Variants in TOP1MT observed in about 807,000 individuals in gnomAD.
TOP1MT encodes the protein DNA topoisomerase I mitochondrial, also known as DNA topoisomerase I, mitochondrial.
A neutral mutation model predicts 73.9 loss-of-function variants in TOP1MT; 80 were observed. The observed-to-expected ratio is 1.08, with a 90% CI of 0.90 to 1.30. The LOEUF is 1.30. Ranked by LOEUF, TOP1MT falls within the 50% of genes most tolerant of loss-of-function variation. The pLI is 0.00. For missense variants in TOP1MT, 815 were observed against 808.0 expected, an observed-to-expected ratio of 1.01 and a Z score of -0.10; for synonymous variants, 338 against 326.4, an observed-to-expected ratio of 1.04 and a Z score of -0.38.
At chr8:143,323,120 G>T (rs542273687) in intron 7 of TOP1MT, among the ~76,000 whole-genome samples, 7 of 117,488 alleles carry the variant, frequency 6.0e-5, no homozygotes, top group Admixed American at 2.7e-4. Flanking sequence ...ACACATGCAC[G>T]CCACACACAC....
At chr8:143,324,758 G>C (rs1816659679) in intron 5 of TOP1MT, 129 bp from the exon 6 acceptor site, 1 of 1,190,898 alleles carries the variant, frequency 8.4e-7, no homozygotes. Flanking sequence ...ACCGAGTCTG[G>C]CATCAGAGGT....
chr8:143,324,771 C>G, intron 5 of TOP1MT, 142 bp from the exon 6 acceptor site: 2 of 1,038,498 alleles, frequency 1.9e-6, no homozygotes, highest in Non-Finnish European at 2.8e-6. Context: ...TCAGAGGTGG[C>G]CTGCCTGGCA....
At chr8:143,347,722 AGCCAGCCAGCGGG>A (rs1234805941), upstream of TOP1MT, among the ~76,000 whole-genome samples, 8 of 151,032 alleles carry the variant, frequency 5.3e-5, no homozygotes, top group Admixed American at 3.3e-4. Context: ...CCAGCCAGCC[AGCCAGCCAGCGGG>A]GAAGAGTTGA....
At chr8:143,359,325 G>T, upstream of TOP1MT, 1 of 985,420 alleles carries the variant, frequency 1.0e-6, no homozygotes, top group Non-Finnish European at 1.2e-6. Flanking sequence ...AGGTCACCAC[G>T]CCAGGAGAAG....
intron 7 of TOP1MT, among the ~76,000 whole-genome samples, chr8:143,321,960 ACACACATGCTCAC>A (rs1164602188): frequency 1.1e-3 from 120 of 108,990 alleles, no homozygotes; most frequent in African/African-American, 1.6e-3. Flanking sequence ...CACGCACGCC[ACACACATGCTCAC>A]CACACGCACG....
intron 4 of TOP1MT, among the ~76,000 whole-genome samples, chr8:143,325,841 G>A (rs1041692124): frequency 1.3e-5 from 2 of 152,190 alleles, no homozygotes; most frequent in African/African-American, 4.8e-5. Flanking sequence ...GGAGGAGGAG[G>A]GCTAAGGGAA....
At chr8:143,317,617 A>C (rs1816204105) in intron 10 of TOP1MT, 106 bp downstream of exon 10, 2 of 956,692 alleles carry the variant, frequency 2.1e-6, no homozygotes, top group Non-Finnish European at 3.1e-6. Context: ...TTCCCAAAGA[A>C]GCGGCCCCAC....
chr8:143,323,379 T>G (rs1321097177), intron 7 of TOP1MT, among the ~76,000 whole-genome samples: 2 of 54,844 alleles, frequency 3.6e-5, no homozygotes, highest in Admixed American at 2.4e-4. Flanking sequence ...GCCACACAGA[T>G]GCATGCCACA....
chr8:143,325,415 C>A lies in TOP1MT; in HGVS notation c.602G>T (p.Gly201Val), dbSNP rs1482393071. The A allele has an allele frequency of 6.2e-7, 1 of 1,612,578 alleles. No homozygotes were observed. The highest frequency in any genetic ancestry group is 8.5e-7 in the Non-Finnish European group (1 of 1,178,880). ...IEPPGLFRGR[G>V]DHPKMGMLKR... ...CAGCATCCCCATCTTGGGATGGTCGCCACGGCCACGGAACAAGCCAGGCGG... is the reference window on the plus strand; with the variant it reads ...CAGCATCCCCATCTTGGGATGGTCGACACGGCCACGGAACAAGCCAGGCGG... The change falls in exon 5 of 14, where the codon GGC becomes GTC. Residue 201 changes from glycine to valine, a missense_variant. Transcript: ENST00000329245.
upstream of TOP1MT, among the ~76,000 whole-genome samples, chr8:143,348,611 G>T (rs1020851078): frequency 6.6e-6 from 1 of 152,148 alleles, no homozygotes; most frequent in Admixed American, 6.5e-5. The surrounding 1 kb of genome is among the most constrained non-coding windows in gnomAD (Gnocchi z 4.6). Context: ...GGGGGTGGGG[G>T]GGGGTGGGGG....
Position 143,310,085 on chromosome 8 carries a change from G to A in TOP1MT, c.1686C>T (p.Pro562=). 9 of 1,613,086 alleles carry A rather than the reference G, an allele frequency of 5.6e-6. No homozygotes were observed. Among genetic ancestry groups the A allele is most frequent in the Non-Finnish European group, 7.6e-6 (9 of 1,179,994 alleles). The change falls in exon 13 of 14, where the codon CCC becomes CCT. Residue 562 remains proline, a synonymous_variant. Coordinates refer to ENST00000329245, the MANE Select transcript of TOP1MT (RefSeq NM_052963.3). The stretch of plus-strand genomic sequence containing the variant: ...ACACGCACCAGGCAATGCTGATCCT[G>A]GGGTCCAGGTAGTTGAGCTTGGACG... The part of the protein sequence containing the change: ...LGTSKLNYLD[P]RISIAWCKRF...
At chr8:143,352,908 T>C (rs565031900) in intron 1 of TOP1MT, among the ~76,000 whole-genome samples, 8 of 152,172 alleles carry the variant, frequency 5.3e-5, no homozygotes, top group Non-Finnish European at 1.2e-4. Flanking sequence ...CATAGGCAGA[T>C]AATGGTTTTT....
At chr8:143,322,354 C>CAT (rs1563759150) in intron 7 of TOP1MT, among the ~76,000 whole-genome samples, 3 of 96,546 alleles carry the variant, frequency 3.1e-5, no homozygotes, top group African/African-American at 1.2e-4. Flanking sequence ...ACGCCACACA[C>CAT]GCACGCCACA....
rs577336744 is a variant in TOP1MT at position 143,341,544 on chromosome 8, G to C, written c.29+1676C>G. Among the ~76,000 whole-genome samples, 1 of 152,366 alleles carries C rather than the reference G, an allele frequency of 6.6e-6. No individual in the cohort carries two copies. Among genetic ancestry groups the C allele is most frequent in the East Asian group, 1.9e-4 (1 of 5,180 alleles). ...GGGAAGGTTCACCTTCCCCACCCCAGCAATGGCTGCCCTCCATGGGCCTAA... is the reference window on the plus strand; with the variant it reads ...GGGAAGGTTCACCTTCCCCACCCCACCAATGGCTGCCCTCCATGGGCCTAA... On this transcript the variant is annotated intron_variant, in intron 2 of 5. Coordinates refer to the TOP1MT transcript ENST00000518007. This position sits in a 1 kb window ranked among gnomAD's most constrained non-coding sequence, Gnocchi z 4.1.
chr8:143,317,179 G>A (rs868585366), intron 10 of TOP1MT, among the ~76,000 whole-genome samples: 2 of 152,216 alleles, frequency 1.3e-5, no homozygotes, highest in Non-Finnish European at 2.9e-5. Context: ...CAATCTGCCC[G>A]GACATCACAG....
rs1397816901 is a variant in TOP1MT at position 143,315,809 on chromosome 8, T to C, written c.1471A>G (p.Lys491Glu). The C allele has an allele frequency of 6.2e-6, 10 of 1,613,652 alleles. No homozygotes were observed. Among genetic ancestry groups the C allele is most frequent in the Non-Finnish European group, 8.5e-6 (10 of 1,180,024 alleles). ...GCCCTGGCCTCAGCCACCTGCTCCT[T>C]CTTTGCCTGGATCTGCAGGAAAAGG... is the stretch of plus-strand genomic sequence containing the variant. ...QNLQTKIQAK[K>E]EQVAEARAEL... Residue 491 changes from lysine (K) to glutamate (E), a missense_variant, in exon 12 of 14, where the codon AAG becomes GAG. Physicochemically the swap from Lys to Glu is moderately conservative, Grantham distance 56. Transcript: ENST00000329245.
At chr8:143,322,153 GCACGCCACACACGCATGC>G (rs1816441024) in intron 7 of TOP1MT, among the ~76,000 whole-genome samples, 1 of 44,054 alleles carries the variant, frequency 2.3e-5, no homozygotes, top group Non-Finnish European at 4.4e-5. Flanking sequence ...CACGCCACAC[GCACGCCACACACGCATGC>G]CACACGCACG....
intron 4 of TOP1MT, among the ~76,000 whole-genome samples, chr8:143,325,889 G>A (rs1034933499): frequency 2.6e-5 from 4 of 152,220 alleles, no homozygotes; most frequent in African/African-American, 9.6e-5. Flanking sequence ...AGCACGGCAG[G>A]TTCCTGTTAG....
At chr8:143,316,299 A>G (rs1816161511) in intron 10 of TOP1MT, among the ~76,000 whole-genome samples, 173 bp from the exon 11 acceptor site, 1 of 152,198 alleles carries the variant, frequency 6.6e-6, no homozygotes, top group African/African-American at 2.4e-5. Context: ...TGGCCTCGAG[A>G]GCAGGGCCCA....
Sources: gnomAD v4.1 joint callset for allele counts (sites outside exome capture counted in the v4.1 genomes callset) on GRCh38, gnomAD v4.1.1 for gene constraint, Gnocchi (gnomAD v3.1) non-coding constraint, MANE v1.5 for transcripts, NCBI Gene and HGNC (gene_info 2026-07-23, HGNC 2026-07-21) for gene names.